Variants in ABCA13 observed in about 807,000 individuals in gnomAD.
ABCA13 encodes ATP binding cassette subfamily A member 13, also known as ATP-binding cassette sub-family A member 13.
ABCA13 carries 476 observed loss-of-function variants against 478.7 expected under a neutral mutation model. The observed-to-expected ratio is 0.99, with a 90% confidence interval of 0.92 to 1.07. The LOEUF is 1.07. Ranked by LOEUF, ABCA13 falls within the 50% of genes least tolerant of loss-of-function variation. ABCA13 has a pLI of 0.00. For missense variants in ABCA13, 6,060 were observed against 5,910.6 expected, an observed-to-expected ratio of 1.03 and a Z score of -0.83; for synonymous variants, 2,252 against 2,158.9, an observed-to-expected ratio of 1.04 and a Z score of -1.20.
chr7:48,202,535 C>G (rs1240393886), intron 3 of ABCA13, among the ~76,000 whole-genome samples: 1 of 151,406 alleles, frequency 6.6e-6, no homozygotes, highest in Non-Finnish European at 1.5e-5. Flanking sequence ...TCGATTGTTG[C>G]ACTCACAAAC....
intron 30 of ABCA13, among the ~76,000 whole-genome samples, chr7:48,351,538 C>A (rs181416688): frequency 6.6e-6 from 1 of 152,160 alleles, no homozygotes; most frequent in Non-Finnish European, 1.5e-5. Flanking sequence ...TGGGTTTCTG[C>A]ACCTCATCTT....
At position 48,410,599 on chromosome 7, in the gene ABCA13, G is replaced by A; in HGVS notation, c.12150G>A (p.Gly4050=). 1 of 1,614,026 alleles carries A rather than the reference G, an allele frequency of 6.2e-7. No individual in the cohort carries two copies. The highest frequency in any genetic ancestry group is 8.5e-7 in the Non-Finnish European group (1 of 1,179,896). ...LSDRVAVLQH[G]RLRCCGPPFC... is the part of the protein sequence containing the mutation. ...ACCGCGTGGCCGTCCTCCAGCATGG[G>A]AGGCTCAGGTGCTGCGGTCCTCCCT... is the stretch of plus-strand genomic sequence containing the variant. Residue 4050 remains glycine (G), a synonymous_variant, in exon 40 of 62, where the codon GGG becomes GGA. Coordinates refer to ENST00000435803, the MANE Select transcript of ABCA13 (RefSeq NM_152701.5).
intron 42 of ABCA13, among the ~76,000 whole-genome samples, chr7:48,429,370 C>G (rs986848874): frequency 6.6e-6 from 1 of 152,188 alleles, no homozygotes; most frequent in Non-Finnish European, 1.5e-5. Flanking sequence ...AGTGATCACA[C>G]CTTACATTCC....
At chr7:48,438,922 G>A (rs1209348271) in intron 42 of ABCA13, among the ~76,000 whole-genome samples, 3 of 146,624 alleles carry the variant, frequency 2.0e-5, no homozygotes, top group Non-Finnish European at 3.0e-5. Context: ...ATCTAACCAA[G>A]GAAATTTAAG....
At chr7:48,241,175 A>G (rs1790775488) in intron 10 of ABCA13, 109 bp downstream of exon 10, 1 of 1,317,260 alleles carries the variant, frequency 7.6e-7, no homozygotes, top group East Asian at 2.4e-5. Context: ...CAGCTAAATA[A>G]TGAATTTCTT....
At chr7:48,236,921 T>A (rs1017496830) in intron 8 of ABCA13, among the ~76,000 whole-genome samples, 1 of 151,052 alleles carries the variant, frequency 6.6e-6, no homozygotes, top group Non-Finnish European at 1.5e-5. Context: ...AGTATTGCAG[T>A]AGAGAAAGGG....
chr7:48,297,123 A>T, intron 21 of ABCA13, 109 bp from the exon 22 acceptor site: 1 of 889,202 alleles, frequency 1.1e-6, no homozygotes, highest in Non-Finnish European at 1.8e-6. Flanking sequence ...TGGAAATGTG[A>T]TCTTGTTATC....
intron 55 of ABCA13, among the ~76,000 whole-genome samples, chr7:48,549,890 C>T (rs1785152819): frequency 6.6e-6 from 1 of 151,794 alleles, no homozygotes. Context: ...ATATCCTTTG[C>T]CCACTTTTTG....
chr7:48,538,827 T>C (rs1225667400), intron 55 of ABCA13, among the ~76,000 whole-genome samples: 1 of 152,212 alleles, frequency 6.6e-6, no homozygotes, highest in Admixed American at 6.5e-5. Flanking sequence ...AGATACTTGA[T>C]AGGGCCTTTA....
chr7:48,545,613 C>T (rs1784750521), intron 55 of ABCA13, among the ~76,000 whole-genome samples: 1 of 150,920 alleles, frequency 6.6e-6, no homozygotes, highest in South Asian at 2.1e-4. Flanking sequence ...TTACAAAACA[C>T]ACAAGACAAC....
At chr7:48,427,151 C>T (rs972451331) in intron 41 of ABCA13, among the ~76,000 whole-genome samples, 2 of 152,198 alleles carry the variant, frequency 1.3e-5, no homozygotes, top group South Asian at 4.1e-4. Flanking sequence ...CCCTTTGTGT[C>T]TGCTTGCACT....
chr7:48,310,592 C>T (rs1192671338), intron 24 of ABCA13, among the ~76,000 whole-genome samples: 3 of 152,098 alleles, frequency 2.0e-5, no homozygotes, highest in Non-Finnish European at 2.9e-5. Flanking sequence ...TATCTGTCAG[C>T]GGGAAGCATC....
intron 35 of ABCA13, among the ~76,000 whole-genome samples, chr7:48,384,785 A>G (rs1233735748): frequency 6.6e-6 from 1 of 152,178 alleles, no homozygotes; most frequent in African/African-American, 2.4e-5. Context: ...GGAGGCTAAA[A>G]GTCTGAGATC....
intron 59 of ABCA13, among the ~76,000 whole-genome samples, chr7:48,632,846 C>T (rs1794277309): frequency 2.0e-5 from 3 of 152,056 alleles, no homozygotes; most frequent in African/African-American, 7.2e-5. Flanking sequence ...ATAAGTAGTG[C>T]TAGGAGAACT....
intron 37 of ABCA13, among the ~76,000 whole-genome samples, chr7:48,389,650 C>T (rs765836915): frequency 6.0e-4 from 91 of 152,196 alleles, no homozygotes; most frequent in Non-Finnish European, 1.1e-3. Context: ...TTTTTCTTTT[C>T]CATGTTCTGG....
chr7:48,518,307 C>G (rs1396521000), intron 52 of ABCA13, among the ~76,000 whole-genome samples: 1 of 152,142 alleles, frequency 6.6e-6, no homozygotes, highest in Non-Finnish European at 1.5e-5. Context: ...AAGAGACTCA[C>G]AGTAGATAAT....
chr7:48,498,983 A>T (rs1396956061), intron 48 of ABCA13, among the ~76,000 whole-genome samples: 1 of 152,222 alleles, frequency 6.6e-6, no homozygotes, highest in Non-Finnish European at 1.5e-5. Flanking sequence ...TAATGCATAC[A>T]TGTAGAGAAA....
intron 32 of ABCA13, among the ~76,000 whole-genome samples, chr7:48,371,035 A>T (rs181029710): frequency 3.3e-5 from 5 of 152,278 alleles, no homozygotes; most frequent in Admixed American, 3.3e-4. Flanking sequence ...TTAAATAGGG[A>T]ACCCTTTCCC....
intron 15 of ABCA13, among the ~76,000 whole-genome samples, chr7:48,267,067 G>A (rs1794963148): frequency 6.6e-6 from 1 of 151,858 alleles, no homozygotes; most frequent in African/African-American, 2.4e-5. Flanking sequence ...ATCCTGTTAA[G>A]TTTATTGGGA....
Sources: allele counts gnomAD v4.1 joint callset (sites outside exome capture counted in the v4.1 genomes callset), GRCh38; gene constraint gnomAD v4.1.1; transcripts MANE v1.5; gene names NCBI Gene and HGNC (gene_info 2026-07-23, HGNC 2026-07-21).